The following RPL17 variants were observed in gnomAD, a reference collection of about 807,000 sequenced individuals.
The protein encoded by RPL17 is large ribosomal subunit protein uL22.
In RPL17, 2 loss-of-function variants were observed where a neutral mutation model predicts 27.7. The ratio of observed to expected loss-of-function variants is 0.07; its 90% CI spans 0.03 to 0.23. The LOEUF (loss-of-function observed/expected upper bound fraction) is 0.23. Ranked by LOEUF, RPL17 falls within the 10% of genes least tolerant of loss-of-function variation. The pLI, the probability that RPL17 is intolerant of heterozygous loss-of-function variation, is 1.00. For missense variants in RPL17, 141 were observed against 238.8 expected (o/e 0.59, Z 2.70); for synonymous variants, 76 against 75.5 (o/e 1.01, Z -0.03).
Position 49,489,268 on chromosome 18 carries a change from A to G in RPL17, c.507+91T>C. 3.5e-6 allele frequency: 5 copies of G among 1,408,686 alleles called. No homozygotes were observed. The South Asian group carries it at 5.0e-5, about 14-fold the overall frequency. The allele number at this position is 1,408,686 out of a possible 1,614,324, so 87.3% of individuals were successfully genotyped here. A position where few individuals can be genotyped will look rare whatever the true frequency, so the allele number is the denominator to read the frequency against. On this transcript the variant is annotated intron_variant, in intron 6 of 6. Coordinates refer to ENST00000580261, the MANE Select transcript of RPL17 (RefSeq NM_001035006.5). ...GGGTTGCTCAGAATAGTTTTCTTTC[A>G]TAGTTATTCCAAAGGTGTCCTAAGA...
chr18:49,490,298 AAGG>A, intron 5 of RPL17, 153 bp downstream of exon 5: 1 of 811,500 alleles, frequency 1.2e-6, no homozygotes, highest in Non-Finnish European at 1.9e-6. Flanking sequence ...AAAAAAATAA[AAGG>A]AAATAGTTTC....
At chr18:49,491,725 C>A in intron 1 of RPL17, 141 bp from the exon 2 acceptor site, 1 of 1,083,186 alleles carries the variant, frequency 9.2e-7, no homozygotes, top group Non-Finnish European at 1.4e-6. Context: ...ATGCCATCAT[C>A]GCAGCCATAC....
intron 5 of RPL17, among the ~76,000 whole-genome samples, chr18:49,489,957 G>A (rs2083934315): frequency 6.6e-6 from 1 of 152,244 alleles, no homozygotes. Context: ...AGGCTAATGG[G>A]TAATATACAA....
At position 49,491,551 on chromosome 18, in the gene RPL17, G is replaced by A. The variant is rs200710514; in HGVS notation, c.21C>T (p.Asp7=). Residue 7 remains aspartate, a synonymous_variant, in exon 2 of 7, where the codon GAC becomes GAT. Transcript: ENST00000580261. Reference sequence around the variant, plus strand: ...ACTTACATTTCGTGGGGTTCTCCGGGTCAAGTGAATAGCGAACCATTTTCA... The same window carrying A: ...ACTTACATTTCGTGGGGTTCTCCGGATCAAGTGAATAGCGAACCATTTTCA... The part of the protein sequence containing the change: MVRYSL[D]PENPTKSCKS... 4 of 1,614,186 alleles carry A rather than the reference G, an allele frequency of 2.5e-6. No homozygotes were observed. The highest frequency in any genetic ancestry group is 2.2e-5 in the East Asian group (1 of 44,886).
chr18:49,490,342 A>G (rs2083966901), intron 5 of RPL17, 112 bp downstream of exon 5: 2 of 1,171,858 alleles, frequency 1.7e-6, no homozygotes, highest in South Asian at 3.0e-5. Context: ...AGAAATTTAA[A>G]AAATCCTAAG....
intron 4 of RPL17, 37 bp from the exon 5 acceptor site, chr18:49,490,589 A>C: frequency 6.2e-7 from 1 of 1,613,004 alleles, no homozygotes; most frequent in Non-Finnish European, 8.5e-7. Flanking sequence ...ATTTTCCTTG[A>C]TTTAAATTAA....
Position 49,491,595 on chromosome 18 carries a change from G to A in RPL17, c.-13-11C>T, listed in dbSNP as rs556863197. 16 of 1,614,140 alleles carry A rather than the reference G, an allele frequency of 9.9e-6. No individual in the cohort carries two copies. The highest frequency in any genetic ancestry group is 5.3e-5 in the African/African-American group (4 of 75,020). ...ATTTTCACAGATCACCTAGAGGAAA[G>A]TACAGTGTAATTCTGTCAATACGTA... On this transcript the variant is annotated splice_polypyrimidine_tract_variant and intron_variant, in intron 1 of 6. Coordinates refer to ENST00000580261, the MANE Select transcript of RPL17 (RefSeq NM_001035006.5).
intron 3 of RPL17, chr18:49,491,131 A>G: frequency 1.1e-6 from 1 of 926,562 alleles, no homozygotes; most frequent in Non-Finnish European, 1.7e-6. Flanking sequence ...TATTCACTAT[A>G]AAACGTTTAA....
In RPL17 at chr18:49,490,898, C is replaced by T; in HGVS notation, c.111G>A (p.Lys37=). ...KNTRETAQAI[K]GMHIRKATKY... ...TCGTGGCTTTTCGTATATGCATACCCTTGATGGCCTGAGCAGTTTCACGAG... is the reference window on the plus strand; with the variant it reads ...TCGTGGCTTTTCGTATATGCATACCTTTGATGGCCTGAGCAGTTTCACGAG... Residue 37 remains lysine, a synonymous_variant, in exon 4 of 7, where the codon AAG becomes AAA. Transcript: ENST00000580261. The T allele has an allele frequency of 6.2e-7, 1 of 1,613,926 alleles. No homozygotes were observed. The highest frequency in any genetic ancestry group is 8.5e-7 in the Non-Finnish European group (1 of 1,179,902).
intron 6 of RPL17, among the ~76,000 whole-genome samples, chr18:49,488,954 A>C (rs572103688): frequency 6.6e-6 from 1 of 151,250 alleles, no homozygotes; most frequent in South Asian, 2.1e-4. Context: ...GCTGGAGTGC[A>C]GTGGCGCGAT....
intron 6 of RPL17, 31 bp downstream of exon 6, chr18:49,489,327 TC>T (rs766562203): frequency 1.2e-6 from 2 of 1,612,122 alleles, no homozygotes; most frequent in Non-Finnish European, 1.7e-6. Context: ...CTTTCTACTA[TC>T]ACAAACAAAA....
Position 49,490,357 on chromosome 18 carries a change from A to G in RPL17, c.315+97T>C. The stretch of plus-strand genomic sequence containing the variant: ...AGAAATTTAAAAAATCCTAAGAGTT[A>G]ATTACTGAAAACAAGAAAATCAAGG... On this transcript the variant is annotated intron_variant, in intron 5 of 6. Coordinates refer to ENST00000580261, the MANE Select transcript of RPL17 (RefSeq NM_001035006.5). The G allele has an allele frequency of 2.3e-6, 3 of 1,291,298 alleles. No homozygotes were observed. In the South Asian group the frequency reaches 4.0e-5, roughly 17 times the overall value. 80.0% of individuals were successfully genotyped at this position (1,291,298 alleles called of 1,614,324 possible). A position where few individuals can be genotyped will look rare whatever the true frequency, so the allele number is the denominator to read the frequency against.
In RPL17 at chr18:49,491,419, G is replaced by A; in HGVS notation, c.67C>T (p.Arg23Cys). The A allele has an allele frequency of 1.9e-6, 3 of 1,614,154 alleles. No homozygotes were observed. The highest frequency in any genetic ancestry group is 2.5e-6 in the Non-Finnish European group (3 of 1,180,046). The change falls in exon 3 of 7, where the codon CGT becomes TGT. Residue 23 changes from arginine to cysteine, a missense_variant. This residue lies in a region of RPL17 where 107 missense variants were observed against 150.1 expected (regional missense o/e 0.71). Transcript: ENST00000580261. ...GAATCGCATACCTTAAAGTGAACAC[G>A]AAGATTGGAACCTCTTGATTTGCAT... The part of the protein sequence containing the change: ...KSCKSRGSNL[R>C]VHFKNTRETA...
intron 6 of RPL17, 140 bp from the exon 7 acceptor site, chr18:49,488,706 C>T (rs1488062160): frequency 4.8e-6 from 3 of 630,532 alleles, no homozygotes; most frequent in Non-Finnish European, 8.7e-6. Flanking sequence ...ATCAACAGAA[C>T]TTAAGTTCAT....
At chr18:49,489,612 C>G (rs1261298364) in intron 5 of RPL17, 62 bp from the exon 6 acceptor site, 1 of 1,522,348 alleles carries the variant, frequency 6.6e-7, no homozygotes, top group African/African-American at 1.4e-5. Context: ...ACACCACAAA[C>G]TATCATTGCT....
intron 6 of RPL17, 38 bp downstream of exon 6, chr18:49,489,321 C>A (rs1324292087): frequency 6.2e-7 from 1 of 1,609,466 alleles, no homozygotes; most frequent in East Asian, 2.2e-5. Flanking sequence ...ACAAATCTTT[C>A]TACTATCACA....
intron 6 of RPL17, among the ~76,000 whole-genome samples, 163 bp from the exon 7 acceptor site, chr18:49,488,729 G>A (rs148482179): frequency 7.3e-4 from 111 of 152,226 alleles, no homozygotes; most frequent in African/African-American, 2.6e-3. Context: ...GATGTAAAAA[G>A]AAGTGTACAG....
At chr18:49,492,401 G>A (rs1391043321) in intron 1 of RPL17, 57 bp downstream of exon 1, 1 of 152,468 alleles carries the variant, frequency 6.6e-6, no homozygotes, top group Non-Finnish European at 1.5e-5. Context: ...CCGAAGCCAG[G>A]ATGGCGGCGA....
chr18:49,488,550 AGTTTCTTCT>A lies in RPL17; in HGVS notation c.515_523del (p.Gln172_Lys174del). On this transcript the variant is annotated inframe_deletion, in exon 7 of 7. Transcript: ENST00000580261. ...CCGTGCCATAAGTTTTTGTTTCTTC[AGTTTCTTCT>A]GGGATATCTGGGGAAAGAAAAATGT... The A allele has an allele frequency of 6.4e-7, 1 of 1,567,042 alleles. No individual in the cohort carries two copies. Among genetic ancestry groups the A allele is most frequent in the South Asian group, 1.1e-5 (1 of 90,004 alleles).
Sources: gnomAD v4.1 joint callset for allele counts (sites outside exome capture counted in the v4.1 genomes callset) on GRCh38, gnomAD v4.1.1 for gene constraint, gnomAD v4.1.1 regional missense constraint, MANE v1.5 for transcripts, NCBI Gene and HGNC (gene_info 2026-07-23, HGNC 2026-07-21) for gene names.